CAPZB: variants seen among roughly 807,000 people sequenced by gnomAD.
CAPZB encodes F-actin-capping protein subunit beta.
CAPZB carries 2 observed loss-of-function variants against 38.1 expected under a neutral mutation model. The observed-to-expected ratio is 0.05, with a 90% CI of 0.02 to 0.17. The LOEUF (loss-of-function observed/expected upper bound fraction) is 0.17, where lower values mean the gene tolerates loss of function less well. CAPZB is among the 10% of genes least tolerant of loss of function. The pLI is 1.00. For missense variants in CAPZB, 161 were observed against 334.2 expected (o/e 0.48, Z 4.04); for synonymous variants, 107 against 127.4 (o/e 0.84, Z 1.08).
chr1:19,484,820 G>A (rs1483629574), intron 1 of CAPZB: 6 of 411,510 alleles, frequency 1.5e-5, no homozygotes, highest in African/African-American at 1.3e-4. Context: ...CCAGACGGGG[G>A]CCATGGGCGG....
rs10917439 is a variant in CAPZB at position 19,385,751 on chromosome 1, A to G, written c.94-125T>C. 126 of 1,058,352 alleles carry G rather than the reference A, an allele frequency of 1.2e-4. No homozygotes were observed. The African/African-American group carries it at 1.5e-3, about 12-fold the overall frequency. 65.6% of individuals were successfully genotyped at this position (1,058,352 alleles called of 1,614,324 possible). A position where few individuals can be genotyped will look rare whatever the true frequency, so the allele number is the denominator to read the frequency against. On this transcript the variant is annotated intron_variant, in intron 2 of 8. Transcript: ENST00000264202. ...ACATCTGGCCCTGGGCACTGAGACA[A>G]AATTATGGGCCTGTTCTTTTCTTTT...
intron 1 of CAPZB, among the ~76,000 whole-genome samples, chr1:19,423,378 G>C (rs1357483243): frequency 2.6e-5 from 4 of 152,072 alleles, no homozygotes; most frequent in Admixed American, 2.6e-4. Context: ...AGATGTGGAT[G>C]ACCTTCAGCT....
intron 1 of CAPZB, among the ~76,000 whole-genome samples, chr1:19,468,114 G>A (rs967884994): frequency 1.6e-4 from 24 of 152,110 alleles, no homozygotes; most frequent in African/African-American, 5.8e-4. Context: ...TAAAAAAGGG[G>A]GCTAGGCACT....
intron 6 of CAPZB, among the ~76,000 whole-genome samples, chr1:19,354,411 GT>G (rs2094008984): frequency 6.6e-6 from 1 of 152,138 alleles, no homozygotes; most frequent in Non-Finnish European, 1.5e-5. Context: ...ACTTAGATTT[GT>G]CTACCTCATT....
At chr1:19,462,020 C>T (rs1207310080) in intron 1 of CAPZB, among the ~76,000 whole-genome samples, 1 of 152,116 alleles carries the variant, frequency 6.6e-6, no homozygotes, top group African/African-American at 2.4e-5. Flanking sequence ...CAAGAAGGGA[C>T]CTGCAGTCTC....
intron 4 of CAPZB, among the ~76,000 whole-genome samples, chr1:19,364,057 G>A (rs970419434): frequency 6.6e-6 from 1 of 152,224 alleles, no homozygotes; most frequent in African/African-American, 2.4e-5. Context: ...AGATACCTGT[G>A]ACGCTGAGGC....
intron 1 of CAPZB, among the ~76,000 whole-genome samples, chr1:19,441,059 CAAAACAAAAAACAA>C (rs369823083): frequency 3.2e-4 from 48 of 151,954 alleles, no homozygotes; most frequent in African/African-American, 1.1e-3. Flanking sequence ...GACTCCATCT[CAAAACAAAAAACAA>C]AAAACAAAAA....
At chr1:19,431,061 G>A (rs913236619) in intron 1 of CAPZB, among the ~76,000 whole-genome samples, 4 of 152,130 alleles carry the variant, frequency 2.6e-5, no homozygotes, top group Non-Finnish European at 4.4e-5. Context: ...CCATATAAAC[G>A]GTGGAAAATT....
chr1:19,451,690 G>C (rs1418066076), intron 1 of CAPZB, among the ~76,000 whole-genome samples: 2 of 151,828 alleles, frequency 1.3e-5, no homozygotes, highest in East Asian at 3.9e-4. Flanking sequence ...TAGGACCAGG[G>C]GGTGATCACT....
chr1:19,485,198 G>C (rs1326408800), intron 1 of CAPZB, among the ~76,000 whole-genome samples: 1 of 152,168 alleles, frequency 6.6e-6, no homozygotes, highest in African/African-American at 2.4e-5. Context: ...TAGTGAGTGG[G>C]ACTCCAGCTT....
chr1:19,360,659 C>T (rs529231485), intron 4 of CAPZB, among the ~76,000 whole-genome samples: 5 of 152,190 alleles, frequency 3.3e-5, no homozygotes, highest in African/African-American at 1.2e-4. Context: ...CATCCCTGAG[C>T]GTTTCATTTC....
chr1:19,395,429 G>A (rs1209866986), intron 2 of CAPZB, among the ~76,000 whole-genome samples: 1 of 152,176 alleles, frequency 6.6e-6, no homozygotes, highest in Non-Finnish European at 1.5e-5. Flanking sequence ...AACAAAAGCA[G>A]GCCTCCTGGG....
At chr1:19,419,879 G>C in intron 1 of CAPZB, 129 bp from the exon 2 acceptor site, 1 of 616,234 alleles carries the variant, frequency 1.6e-6, no homozygotes, top group South Asian at 2.0e-5. Context: ...CCTCCGCCAG[G>C]TCTCTGTGTG....
At chr1:19,385,684 G>A (rs2094200325) in intron 2 of CAPZB, 58 bp from the exon 3 acceptor site, 2 of 1,611,370 alleles carry the variant, frequency 1.2e-6, no homozygotes, top group Middle Eastern at 1.7e-4. Flanking sequence ...CCAAACTCAG[G>A]TGGCTAACAA....
chr1:19,454,495 C>T (rs1049249937), intron 1 of CAPZB, among the ~76,000 whole-genome samples: 3 of 152,174 alleles, frequency 2.0e-5, no homozygotes, highest in Non-Finnish European at 2.9e-5. Context: ...CACTCCTGAG[C>T]GCTTAGAGTA....
rs566696764 is a variant in CAPZB, at chr1:19,355,923, A to AG, written c.588+711dup. Among the ~76,000 whole-genome samples the AG allele has an allele frequency of 1.7e-4, 26 of 152,280 alleles. No individual in the cohort carries two copies. In the South Asian group the frequency reaches 5.4e-3, roughly 32 times the overall value. ...ACCCAGATGCTTATGGGAGCATCTA[A>AG]GGTAGAAGGGCGGGCAAGTTTGCTC... On this transcript the variant is annotated intron_variant, in intron 6 of 8. Transcript: ENST00000264202.
chr1:19,447,251 T>C (rs1168072073), intron 1 of CAPZB, among the ~76,000 whole-genome samples: 1 of 146,714 alleles, frequency 6.8e-6, no homozygotes. Context: ...GACAGAGACA[T>C]TGGGCAGCAC....
At chr1:19,415,296 T>C (rs1220002605) in intron 2 of CAPZB, among the ~76,000 whole-genome samples, 1 of 152,230 alleles carries the variant, frequency 6.6e-6, no homozygotes, top group Non-Finnish European at 1.5e-5. Flanking sequence ...GGAGCAGCAG[T>C]GCATTAGCTA....
chr1:19,456,208 G>A (rs548127505), intron 1 of CAPZB, among the ~76,000 whole-genome samples: 17 of 152,236 alleles, frequency 1.1e-4, no homozygotes, highest in African/African-American at 3.1e-4. Context: ...CACCAGGCCC[G>A]GTCCACAAGG....
Sources: gnomAD v4.1 joint callset for allele counts (sites outside exome capture counted in the v4.1 genomes callset) on GRCh38, gnomAD v4.1.1 for gene constraint, MANE v1.5 for transcripts, NCBI Gene and HGNC (gene_info 2026-07-23, HGNC 2026-07-21) for gene names.